DUSP22: variants seen among roughly 807,000 people sequenced by gnomAD.
The protein encoded by DUSP22 is dual specificity protein phosphatase 22.
Under a neutral mutation model 24.5 loss-of-function variants are expected in DUSP22, and 24 were observed. That is an observed-to-expected ratio of 0.98 (90% CI 0.71 to 1.38). The LOEUF (loss-of-function observed/expected upper bound fraction) is 1.38. DUSP22 is among the 40% of genes most tolerant of loss of function. The probability of loss-of-function intolerance (pLI) is 0.00; values close to 1 mark genes in which losing one functional copy is unlikely to be tolerated. For missense variants in DUSP22, 330 were observed against 269.2 expected (o/e 1.23, Z -1.58); for synonymous variants, 160 against 106.4 (o/e 1.50, Z -3.10).
chr6:322,119 A>G (rs959098106), intron 3 of DUSP22, among the ~76,000 whole-genome samples: 1 of 145,584 alleles, frequency 6.9e-6, no homozygotes, highest in African/African-American at 2.8e-5. Context: ...GTGTATACAT[A>G]TCTACATAGT....
intron 4 of DUSP22, among the ~76,000 whole-genome samples, chr6:343,051 T>G (rs17842040): frequency 0.083 from 12,287 of 147,514 alleles, 28 homozygotes; most frequent in East Asian, 0.23. Flanking sequence ...GCTGTATACT[T>G]GGCTTTGCGG....
At chr6:296,980 T>C (rs1200329895) in intron 1 of DUSP22, among the ~76,000 whole-genome samples, 3 of 152,308 alleles carry the variant, frequency 2.0e-5, no homozygotes, top group Admixed American at 1.3e-4. Flanking sequence ...TCCCTGTCCT[T>C]CTCGGGAAGC....
At chr6:336,109 G>T (rs935606411) in intron 4 of DUSP22, among the ~76,000 whole-genome samples, 5 of 152,306 alleles carry the variant, frequency 3.3e-5, no homozygotes, top group Non-Finnish European at 7.3e-5. Context: ...ATGTGGAGTA[G>T]ATTACAGTTT....
At chr6:334,042 A>G (rs1759259213) in intron 3 of DUSP22, among the ~76,000 whole-genome samples, 2 of 152,310 alleles carry the variant, frequency 1.3e-5, no homozygotes, top group Non-Finnish European at 2.9e-5. Context: ...GTTAATGGTA[A>G]AAGTTTAATT....
chr6:307,695 C>T (rs540282827), intron 2 of DUSP22, among the ~76,000 whole-genome samples: 7 of 152,420 alleles, frequency 4.6e-5, no homozygotes, highest in Middle Eastern at 3.4e-3. Context: ...AGCTGACAGA[C>T]GAAGCCCTCA....
intron 1 of DUSP22, among the ~76,000 whole-genome samples, chr6:302,543 AC>A (rs1398670547): frequency 2.0e-5 from 3 of 152,284 alleles, no homozygotes; most frequent in African/African-American, 7.2e-5. Flanking sequence ...GGTCACCTCC[AC>A]TTTCCCTGTG....
intron 4 of DUSP22, among the ~76,000 whole-genome samples, chr6:345,502 A>C (rs1759821475): frequency 6.6e-6 from 1 of 152,298 alleles, no homozygotes; most frequent in South Asian, 2.1e-4. Flanking sequence ...GAGCCACCGC[A>C]CCCAGCCATG....
chr6:350,690 T>C lies in DUSP22; in HGVS notation c.*1739T>C. On this transcript the variant is annotated 3_prime_UTR_variant, in exon 7 of 7. Transcript: ENST00000419235. ...TTTTCCTAAGCCAAAAATAAATACG[T>C]TAACAGAAAAATGATTTAGGATATA... The C allele has an allele frequency of 6.3e-7, 1 of 1,575,700 alleles. No homozygotes were observed.
In DUSP22 at chr6:348,865, A is replaced by C. The variant is rs767884970; in HGVS notation, c.532A>C (p.Thr178Pro). The C allele has an allele frequency of 6.8e-6, 11 of 1,614,176 alleles. No individual in the cohort carries two copies. Among genetic ancestry groups the C allele is most frequent in the Admixed American group, 1.7e-5 (1 of 60,016 alleles). The change falls in exon 7 of 7, where the codon ACA (threonine) becomes CCA (proline). Residue 178 changes from threonine to proline, a missense_variant. Transcript: ENST00000419235. ...GGGTAAATATAAGGAGCAAGGGCGC[A>C]CAGAGCCCCAGCCCGGCGCCAGGCG... ...ILGKYKEQGR[T>P]EPQPGARRWS...
At chr6:292,640 C>G (rs1193201264) in intron 1 of DUSP22, 80 bp downstream of exon 1, 5 of 1,536,060 alleles carry the variant, frequency 3.3e-6, no homozygotes, top group South Asian at 1.2e-5. Flanking sequence ...TGCCCGACGA[C>G]TCGAGCCCGG....
At chr6:301,261 A>C (rs1300966092) in intron 1 of DUSP22, among the ~76,000 whole-genome samples, 2 of 152,300 alleles carry the variant, frequency 1.3e-5, no homozygotes, top group Admixed American at 1.3e-4. Flanking sequence ...CCCAAGGGAT[A>C]AAGGACCCCA....
Position 349,300 on chromosome 6 carries a change from T to C in DUSP22, c.*349T>C. The C allele has an allele frequency of 1.7e-6, 2 of 1,205,292 alleles. No homozygotes were observed. The highest frequency in any genetic ancestry group is 2.1e-6 in the Non-Finnish European group (2 of 963,028). The allele number at this position is 1,205,292 out of a possible 1,614,324, so 74.7% of individuals were successfully genotyped here. On this transcript the variant is annotated 3_prime_UTR_variant, in exon 7 of 7. Transcript: ENST00000419235. ...GTATGTGCACCTAAGTGTGTACATGTGTGTATGTTGTGAAAGTGTCTGTGC... is the reference window on the plus strand; with the variant it reads ...GTATGTGCACCTAAGTGTGTACATGCGTGTATGTTGTGAAAGTGTCTGTGC...
At position 345,826 on chromosome 6, in the gene DUSP22, T is replaced by C. The variant is rs529856867; in HGVS notation, c.189-28T>C. On this transcript the variant is annotated intron_variant, in intron 4 of 6. Coordinates refer to ENST00000419235, the MANE Select transcript of DUSP22 (RefSeq NM_001286555.3). Reference sequence around the variant, plus strand: ...TCATATATTGAGTAAAGTAGAGAGATGTCATTTCTCTTTTTTTCTTTTCCC... The same window carrying C: ...TCATATATTGAGTAAAGTAGAGAGACGTCATTTCTCTTTTTTTCTTTTCCC... 2.5e-5 allele frequency: 40 copies of C among 1,612,794 alleles called. No individual in the cohort carries two copies. The East Asian group carries it at 7.6e-4, about 31-fold the overall frequency.
chr6:344,547 C>T (rs1759767283), intron 4 of DUSP22, among the ~76,000 whole-genome samples: 1 of 152,416 alleles, frequency 6.6e-6, no homozygotes, highest in East Asian at 1.9e-4. Context: ...ACCTCAGCCT[C>T]TTCAAGTGCT....
In DUSP22 at chr6:349,857, G is replaced by A. The variant is rs1760106010; in HGVS notation, c.*906G>A. The A allele has an allele frequency of 6.1e-6, 6 of 985,906 alleles. No homozygotes were observed. Among genetic ancestry groups the A allele is most frequent in the Admixed American group, 6.1e-5 (1 of 16,284 alleles). 61.1% of individuals were successfully genotyped at this position (985,906 alleles called of 1,614,324 possible). A position where few individuals can be genotyped will look rare whatever the true frequency, so the allele number is the denominator to read the frequency against. ...CTCTGTGGTGGGCAGGCGCACTTTAGCCTAAGTTGGGTGCCCCAGGGCACC... is the reference window on the plus strand; with the variant it reads ...CTCTGTGGTGGGCAGGCGCACTTTAACCTAAGTTGGGTGCCCCAGGGCACC... On this transcript the variant is annotated 3_prime_UTR_variant, in exon 7 of 7. Transcript: ENST00000419235.
intron 2 of DUSP22, among the ~76,000 whole-genome samples, chr6:311,049 G>A (rs1441079663): frequency 6.6e-6 from 1 of 152,304 alleles, no homozygotes; most frequent in Non-Finnish European, 1.5e-5. Context: ...TAAAATAGGG[G>A]CTCAAGTTTT....
At chr6:345,767 T>A in intron 4 of DUSP22, 87 bp from the exon 5 acceptor site, 1 of 1,507,222 alleles carries the variant, frequency 6.6e-7, no homozygotes. Context: ...ATTAACATTT[T>A]AAGAAAGAAG....
intron 1 of DUSP22, among the ~76,000 whole-genome samples, chr6:299,869 C>G (rs1757504042): frequency 1.3e-5 from 2 of 152,296 alleles, no homozygotes; most frequent in Non-Finnish European, 1.5e-5. Context: ...GTTCCCTCTC[C>G]CTGGCACAGC....
intron 3 of DUSP22, among the ~76,000 whole-genome samples, chr6:328,887 C>G (rs979751710): frequency 7.9e-5 from 12 of 152,422 alleles, no homozygotes; most frequent in African/African-American, 2.6e-4. Context: ...AGTACTTAGT[C>G]CATAGGCATA....
Sources: allele counts gnomAD v4.1 joint callset (sites outside exome capture counted in the v4.1 genomes callset), GRCh38; gene constraint gnomAD v4.1.1; transcripts MANE v1.5; gene names NCBI Gene and HGNC (gene_info 2026-07-23, HGNC 2026-07-21).